The following ADGRD1 variants were observed in gnomAD, a reference collection of about 807,000 sequenced individuals.
ADGRD1 encodes the protein adhesion G protein-coupled receptor D1.
Under a neutral mutation model 113.4 loss-of-function variants are expected in ADGRD1, and 77 were observed. The ratio of observed to expected loss-of-function variants is 0.68; its 90% CI spans 0.57 to 0.82. The LOEUF (loss-of-function observed/expected upper bound fraction) is 0.82, where lower values mean the gene tolerates loss of function less well. Ranked by LOEUF, ADGRD1 falls within the 40% of genes least tolerant of loss-of-function variation. The pLI is 0.00. For missense variants in ADGRD1, 1,036 were observed against 1,139.1 expected (o/e 0.91, Z 1.30); for synonymous variants, 474 against 475.0 (o/e 1.00, Z 0.03).
At chr12:131,110,397 T>C (rs371102844) in intron 18 of ADGRD1, among the ~76,000 whole-genome samples, 2 of 152,264 alleles carry the variant, frequency 1.3e-5, no homozygotes, top group African/African-American at 4.8e-5. Context: ...GACCTAATGC[T>C]TACTATATAC....
intron 17 of ADGRD1, among the ~76,000 whole-genome samples, chr12:131,108,425 C>G (rs1299891460): frequency 6.6e-6 from 1 of 152,160 alleles, no homozygotes; most frequent in Non-Finnish European, 1.5e-5. Context: ...GTGCCCATCC[C>G]TGAGCCAATC....
rs1566000681 is a variant in ADGRD1, at chr12:130,984,500, A to G, written c.490+2437A>G. 6.6e-6 allele frequency among the ~76,000 whole-genome samples: 1 copy of G among 152,148 alleles called. No individual in the cohort carries two copies. The highest frequency in any genetic ancestry group is 1.5e-5 in the Non-Finnish European group (1 of 68,034). ...TATTTTTTAGAACAGTTTTAGATTC[A>G]CAGAAAAATTGAGTGCAAAGTTCAG... is the stretch of plus-strand genomic sequence containing the variant. On this transcript the variant is annotated intron_variant, in intron 5 of 24. Coordinates refer to ENST00000261654, the MANE Select transcript of ADGRD1 (RefSeq NM_198827.5). This position sits in a 1 kb window ranked among gnomAD's most constrained non-coding sequence, Gnocchi z 4.1.
chr12:131,063,755 G>A lies in ADGRD1; in HGVS notation c.1474-13046G>A, dbSNP rs1884516216. 3.9e-5 allele frequency among the ~76,000 whole-genome samples: 6 copies of A among 152,158 alleles called. No homozygotes were observed. The South Asian group carries it at 1.2e-3, about 32-fold the overall frequency. ...CACGTTATTCTTCTTTTACGAAATT[G>A]TTTTAGCTTTTCTAGTTCCTTTGCC... On this transcript the variant is annotated intron_variant, in intron 13 of 24. Transcript: ENST00000261654.
intron 13 of ADGRD1, among the ~76,000 whole-genome samples, chr12:131,016,155 A>C (rs1482484261): frequency 6.6e-6 from 1 of 151,832 alleles, no homozygotes; most frequent in African/African-American, 2.4e-5. Context: ...ACAGAAGGGA[A>C]CCTCCCTCCA....
chr12:131,108,942 G>C, intron 18 of ADGRD1, 65 bp downstream of exon 18: 1 of 1,001,526 alleles, frequency 1.0e-6, no homozygotes, highest in Non-Finnish European at 1.5e-6. Flanking sequence ...GTGGGGATGG[G>C]GCAGGTAGGA....
intron 20 of ADGRD1, among the ~76,000 whole-genome samples, chr12:131,125,597 G>C (rs527660964): frequency 1.3e-5 from 2 of 152,326 alleles, no homozygotes; most frequent in Admixed American, 1.3e-4. Flanking sequence ...CATGGATACA[G>C]ATACAAATAC....
intron 8 of ADGRD1, among the ~76,000 whole-genome samples, chr12:130,997,415 C>T (rs371949773): frequency 5.6e-4 from 38 of 67,802 alleles, no homozygotes; most frequent in African/African-American, 1.7e-3. Context: ...GACGGGGCGG[C>T]TGCCGGGCGG....
In ADGRD1 at chr12:130,954,635, C is replaced by T. The variant is rs1869296815; in HGVS notation, c.78C>T (p.Val26=). The T allele has an allele frequency of 6.2e-7, 1 of 1,613,652 alleles. No homozygotes were observed. Among genetic ancestry groups the T allele is most frequent in the Non-Finnish European group, 8.5e-7 (1 of 1,180,020 alleles). The stretch of plus-strand genomic sequence containing the variant: ...TCTTTTGTGCGCAGGTGCGTGGCGT[C>T]TACTCCAGATCGCAGGACCATCCAG... ...LFYYNFQVRG[V]YSRSQDHPGF... The change falls in exon 2 of 25, where the codon GTC becomes GTT. Residue 26 remains valine, a synonymous_variant. Transcript: ENST00000261654. The surrounding 1 kb of genome is among the most constrained non-coding windows in gnomAD (Gnocchi z 4.7).
intron 13 of ADGRD1, among the ~76,000 whole-genome samples, chr12:131,056,315 T>C (rs1883858307): frequency 1.3e-5 from 2 of 152,194 alleles, no homozygotes; most frequent in South Asian, 2.1e-4. Context: ...AGTTGCGGCA[T>C]TGGAAACAGG....
At position 131,019,667 on chromosome 12, in the gene ADGRD1, C is replaced by T. The variant is rs183463949; in HGVS notation, c.1473+5327C>T. Among the ~76,000 whole-genome samples, 103 of 152,326 alleles carry T rather than the reference C, an allele frequency of 6.8e-4. 2 individuals carry two copies. The highest frequency in any genetic ancestry group is 2.0e-3 in the African/African-American group (83 of 41,564). ...TGTTGTCAAACATTTTCTCATCAGACGGCCTCAGCTCCACCTGAATGTCAG... is the reference window on the plus strand; with the variant it reads ...TGTTGTCAAACATTTTCTCATCAGATGGCCTCAGCTCCACCTGAATGTCAG... On this transcript the variant is annotated intron_variant, in intron 13 of 24. Transcript: ENST00000261654.
At chr12:131,016,817 C>T (rs779504594) in intron 13 of ADGRD1, among the ~76,000 whole-genome samples, 1 of 151,478 alleles carries the variant, frequency 6.6e-6, no homozygotes, top group African/African-American at 2.4e-5. Context: ...CACTTGAACC[C>T]GGGAGGCAGA....
chr12:130,997,430 G>T (rs867932070), intron 8 of ADGRD1, among the ~76,000 whole-genome samples: 5 of 79,730 alleles, frequency 6.3e-5, no homozygotes, highest in African/African-American at 1.2e-4. Context: ...GGGCGGAGGG[G>T]CTCCTCACTT....
At chr12:131,008,287 G>A (rs116323897) in intron 12 of ADGRD1, among the ~76,000 whole-genome samples, 192 of 152,360 alleles carry the variant, frequency 1.3e-3, no homozygotes, top group African/African-American at 4.5e-3. Context: ...GCTGCCGTGC[G>A]GGCAGCACGT....
chr12:131,062,457 T>A (rs1275528071), intron 13 of ADGRD1, among the ~76,000 whole-genome samples: 1 of 152,238 alleles, frequency 6.6e-6, no homozygotes, highest in South Asian at 2.1e-4. Flanking sequence ...ATTACAGGGC[T>A]GATATGGTTT....
chr12:131,092,555 C>T (rs10848282), intron 15 of ADGRD1, among the ~76,000 whole-genome samples: 49,672 of 152,042 alleles, frequency 0.33, 9,424 homozygotes, highest in East Asian at 0.73. Flanking sequence ...CTGCAGGTGG[C>T]CACTTCCTCC....
chr12:131,097,437 G>T (rs1207655134), intron 15 of ADGRD1, among the ~76,000 whole-genome samples: 1 of 152,220 alleles, frequency 6.6e-6, no homozygotes, highest in East Asian at 1.9e-4. Context: ...TGGCCAAGCA[G>T]CTCATTTCTA....
At position 131,050,673 on chromosome 12, in the gene ADGRD1, G is replaced by C. The variant is rs993137293; in HGVS notation, c.1474-26128G>C. 6.6e-6 allele frequency among the ~76,000 whole-genome samples: 1 copy of C among 152,102 alleles called. No homozygotes were observed. Among genetic ancestry groups the C allele is most frequent in the Non-Finnish European group, 1.5e-5 (1 of 68,016 alleles). Reference sequence around the variant, plus strand: ...CATGATCGTGGGGACAGTGCCAAGAGGGATGGTGTTAAGCCAGCGGTCCCC... The same window carrying C: ...CATGATCGTGGGGACAGTGCCAAGACGGATGGTGTTAAGCCAGCGGTCCCC... On this transcript the variant is annotated intron_variant, in intron 13 of 24. Coordinates refer to ENST00000261654, the MANE Select transcript of ADGRD1 (RefSeq NM_198827.5). This position sits in a 1 kb window ranked among gnomAD's most constrained non-coding sequence, Gnocchi z 4.8.
At chr12:131,034,368 C>T (rs904290446) in intron 13 of ADGRD1, among the ~76,000 whole-genome samples, 5 of 152,390 alleles carry the variant, frequency 3.3e-5, no homozygotes, top group Non-Finnish European at 7.3e-5. Flanking sequence ...AGAGTCGCCA[C>T]TGCCGACCTG....
intron 20 of ADGRD1, among the ~76,000 whole-genome samples, chr12:131,128,636 T>A (rs1467416442): frequency 6.6e-6 from 1 of 152,208 alleles, no homozygotes; most frequent in East Asian, 1.9e-4. Flanking sequence ...TTCCCTGGTT[T>A]CCACCCTCCC....
Sources: allele counts gnomAD v4.1 joint callset (sites outside exome capture counted in the v4.1 genomes callset), GRCh38; gene constraint gnomAD v4.1.1; non-coding constraint Gnocchi (gnomAD v3.1); transcripts MANE v1.5; gene names NCBI Gene and HGNC (gene_info 2026-07-23, HGNC 2026-07-21).